The following CCSER1 variants were observed in gnomAD, a reference collection of about 807,000 sequenced individuals.
CCSER1 encodes serine-rich coiled-coil domain-containing protein 1.
In CCSER1, 41 loss-of-function variants were observed where a neutral mutation model predicts 82.0. The ratio of observed to expected loss-of-function variants is 0.50; its 90% CI spans 0.39 to 0.65. The LOEUF (loss-of-function observed/expected upper bound fraction) is 0.65, where lower values mean the gene tolerates loss of function less well. Ranked by LOEUF, CCSER1 falls within the 30% of genes least tolerant of loss-of-function variation. The pLI is 0.00. For missense variants in CCSER1, 1,119 were observed against 1,064.2 expected, an observed-to-expected ratio of 1.05 and a Z score of -0.72; for synonymous variants, 414 against 383.9, an observed-to-expected ratio of 1.08 and a Z score of -0.92.
chr4:90,263,560 C>G (rs1208665143), intron 1 of CCSER1, among the ~76,000 whole-genome samples: 1 of 152,120 alleles, frequency 6.6e-6, no homozygotes, highest in African/African-American at 2.4e-5. Context: ...AAGTTGATAG[C>G]CGAAGTCACA....
chr4:91,170,112 A>G (rs1246150762), intron 10 of CCSER1, among the ~76,000 whole-genome samples: 1 of 152,212 alleles, frequency 6.6e-6, no homozygotes, highest in Non-Finnish European at 1.5e-5. Context: ...TAAAAATATA[A>G]AAGCTGGGAG....
At chr4:90,147,091 A>C (rs1725948281) in intron 1 of CCSER1, among the ~76,000 whole-genome samples, 2 of 151,138 alleles carry the variant, frequency 1.3e-5, no homozygotes, top group African/African-American at 2.4e-5. Context: ...TATTGTATTT[A>C]TTTATTTTTA....
rs199588418 is a variant in CCSER1 at position 90,498,455 on chromosome 4, A to G, written c.1724+30101A>G. Among the ~76,000 whole-genome samples, 7 of 152,282 alleles carry G rather than the reference A, an allele frequency of 4.6e-5. No individual in the cohort carries two copies. The East Asian group carries it at 1.4e-3, about 29-fold the overall frequency. On this transcript the variant is annotated intron_variant, in intron 5 of 10. Transcript: ENST00000509176. ...ATTAAAAATAAGCTGAAACACTGAC[A>G]TTTACATAGTTCTTATTATGTTCAG...
chr4:90,960,362 C>A (rs1733940501), intron 9 of CCSER1, among the ~76,000 whole-genome samples: 1 of 152,156 alleles, frequency 6.6e-6, no homozygotes, highest in Admixed American at 6.6e-5. Flanking sequence ...TTGCACCACT[C>A]CTTTCCCCAC....
At chr4:90,712,093 A>AT (rs1740724413) in intron 6 of CCSER1, among the ~76,000 whole-genome samples, 1 of 151,372 alleles carries the variant, frequency 6.6e-6, no homozygotes, top group South Asian at 2.1e-4. Context: ...TTTTCAAAAA[A>AT]GTAGCTCTTG....
intron 10 of CCSER1, among the ~76,000 whole-genome samples, chr4:91,465,807 A>C (rs899230008): frequency 6.6e-6 from 1 of 152,206 alleles, no homozygotes; most frequent in Non-Finnish European, 1.5e-5. Flanking sequence ...AACCAGGAAG[A>C]AGCTGAATCC....
At chr4:90,320,573 T>C (rs1469087976) in intron 3 of CCSER1, among the ~76,000 whole-genome samples, 1 of 152,178 alleles carries the variant, frequency 6.6e-6, no homozygotes, top group Non-Finnish European at 1.5e-5. Context: ...ATATTTGTGG[T>C]ATTCATTAAG....
At chr4:90,883,621 G>T (rs1435205943) in intron 8 of CCSER1, among the ~76,000 whole-genome samples, 1 of 152,142 alleles carries the variant, frequency 6.6e-6, no homozygotes, top group South Asian at 2.1e-4. Context: ...AAATAATTCA[G>T]TGTTAATCGA....
At chr4:90,945,017 C>G (rs1481102346) in intron 9 of CCSER1, among the ~76,000 whole-genome samples, 1 of 152,114 alleles carries the variant, frequency 6.6e-6, no homozygotes, top group East Asian at 1.9e-4. Flanking sequence ...ATTTTGGTTT[C>G]TCTTCCGTGT....
intron 10 of CCSER1, among the ~76,000 whole-genome samples, chr4:91,299,867 T>C (rs1265571256): frequency 1.3e-5 from 2 of 151,972 alleles, no homozygotes; most frequent in East Asian, 3.9e-4. Flanking sequence ...AAAATCATAC[T>C]GCCATAAATA....
chr4:90,757,670 A>C (rs1217184936), intron 7 of CCSER1, among the ~76,000 whole-genome samples: 1 of 152,322 alleles, frequency 6.6e-6, no homozygotes, highest in South Asian at 2.1e-4. Flanking sequence ...GTCCACATCA[A>C]GTTCCTAATC....
At chr4:90,291,535 A>G (rs941270828) in intron 1 of CCSER1, among the ~76,000 whole-genome samples, 5 of 152,148 alleles carry the variant, frequency 3.3e-5, no homozygotes, top group Admixed American at 3.3e-4. Context: ...ATATATTAGT[A>G]TAAACCCAAT....
chr4:91,371,291 C>T (rs1190963644), intron 10 of CCSER1, among the ~76,000 whole-genome samples: 1 of 152,094 alleles, frequency 6.6e-6, no homozygotes, highest in Non-Finnish European at 1.5e-5. Flanking sequence ...GCCCCCAACC[C>T]CAAGCCCCCA....
At chr4:90,256,018 C>T (rs72877760) in intron 1 of CCSER1, among the ~76,000 whole-genome samples, 6,807 of 152,160 alleles carry the variant, frequency 0.045, 393 homozygotes, top group African/African-American at 0.13. Flanking sequence ...CAGCCTAACT[C>T]TAGAGTTCTC....
intron 6 of CCSER1, among the ~76,000 whole-genome samples, chr4:90,649,807 G>T (rs1728382400): frequency 6.6e-6 from 1 of 152,098 alleles, no homozygotes; most frequent in South Asian, 2.1e-4. Flanking sequence ...ATAATTTAGT[G>T]AAAATAAAGG....
chr4:90,276,334 TTTC>T (rs777314628), intron 1 of CCSER1, among the ~76,000 whole-genome samples: 32 of 142,950 alleles, frequency 2.2e-4, no homozygotes, highest in African/African-American at 7.5e-4. Flanking sequence ...TCTTTCTTTC[TTTC>T]TTCTTTCTTT....
At chr4:90,578,740 G>A (rs2148620470) in intron 5 of CCSER1, among the ~76,000 whole-genome samples, 1 of 152,090 alleles carries the variant, frequency 6.6e-6, no homozygotes, top group Non-Finnish European at 1.5e-5. Flanking sequence ...TATTTGGGGG[G>A]GCCATTGTTC....
intron 8 of CCSER1, among the ~76,000 whole-genome samples, chr4:90,879,531 GAAGAAGAAGA>G: frequency 6.7e-6 from 1 of 148,546 alleles, no homozygotes; most frequent in Non-Finnish European, 1.5e-5. Flanking sequence ...AGAGGAAGAG[GAAGAAGAAGA>G]AAGAAGAAGA....
chr4:91,311,503 T>G (rs1043039689), intron 10 of CCSER1, among the ~76,000 whole-genome samples: 5 of 151,926 alleles, frequency 3.3e-5, no homozygotes, highest in African/African-American at 1.2e-4. Context: ...CAAGTTTACT[T>G]ATTTCATTAT....
Sources: gnomAD v4.1 joint callset for allele counts (sites outside exome capture counted in the v4.1 genomes callset) on GRCh38, gnomAD v4.1.1 for gene constraint, MANE v1.5 for transcripts, NCBI Gene and HGNC (gene_info 2026-07-23, HGNC 2026-07-21) for gene names.